Variants in ENPP3 observed in about 807,000 individuals in gnomAD.
ENPP3 encodes ectonucleotide pyrophosphatase/phosphodiesterase 3, also known as ectonucleotide pyrophosphatase/phosphodiesterase family member 3.
Under a neutral mutation model 117.8 loss-of-function variants are expected in ENPP3, and 104 were observed. That is an observed-to-expected ratio of 0.88 (90% CI 0.75 to 1.04). The LOEUF (loss-of-function observed/expected upper bound fraction) is 1.04, where lower values mean the gene tolerates loss of function less well. Ranked by LOEUF, ENPP3 falls within the 50% of genes least tolerant of loss-of-function variation. ENPP3 has a pLI of 0.00. For synonymous variants in ENPP3, 380 were observed against 349.9 expected (o/e 1.09, Z -0.96); for missense variants, 1,026 against 1,051.9 (o/e 0.98, Z 0.34).
intron 22 of ENPP3, 33 bp downstream of exon 22, chr6:131,737,465 T>C (rs1432529058): frequency 9.9e-6 from 12 of 1,216,778 alleles, no homozygotes; most frequent in Non-Finnish European, 1.4e-5. Flanking sequence ...AATTTTAAAA[T>C]AGTTAAGTGA....
At chr6:131,744,803 A>G (rs1780599110) in intron 24 of ENPP3, among the ~76,000 whole-genome samples, 1 of 60,648 alleles carries the variant, frequency 1.6e-5, no homozygotes, top group South Asian at 5.0e-4. Context: ...GGTCATTTAT[A>G]CACACACACA....
chr6:131,701,438 G>A (rs1473718463), intron 15 of ENPP3: 3 of 1,456,994 alleles, frequency 2.1e-6, no homozygotes, highest in African/African-American at 1.4e-5. Context: ...AATGCTCATG[G>A]TTTAGGAGAA....
Position 131,726,218 on chromosome 6 carries a change from T to C in ENPP3, c.1953+18T>C. On this transcript the variant is annotated intron_variant, in intron 20 of 24. Coordinates refer to ENST00000357639, the MANE Select transcript of ENPP3 (RefSeq NM_005021.5). ...CCCAGTTGGTAAGTTCCTGAGTCCA[T>C]TGATCCATGCAGGCAAGAAATATTT... The C allele has an allele frequency of 6.2e-7, 1 of 1,608,390 alleles. No homozygotes were observed. The highest frequency in any genetic ancestry group is 8.5e-7 in the Non-Finnish European group (1 of 1,175,838).
intron 15 of ENPP3, among the ~76,000 whole-genome samples, chr6:131,713,434 T>C (rs1485221221): frequency 1.3e-5 from 2 of 149,076 alleles, no homozygotes; most frequent in African/African-American, 5.0e-5. Context: ...AATTTATTTT[T>C]AATGTAAAGC....
At chr6:131,734,831 G>A (rs112877472) in intron 21 of ENPP3, among the ~76,000 whole-genome samples, 22 of 151,674 alleles carry the variant, frequency 1.5e-4, no homozygotes, top group African/African-American at 5.3e-4. Flanking sequence ...GAACCCGGTA[G>A]GTGGAGGTGC....
Position 131,650,161 on chromosome 6 carries a change from G to T in ENPP3, c.277+12G>T. 1 of 1,613,744 alleles carries T rather than the reference G, an allele frequency of 6.2e-7. No individual in the cohort carries two copies. Among genetic ancestry groups the T allele is most frequent in the South Asian group, 1.1e-5 (1 of 91,036 alleles). On this transcript the variant is annotated intron_variant, in intron 3 of 24. Coordinates refer to ENST00000357639, the MANE Select transcript of ENPP3 (RefSeq NM_005021.5). ...CTGTGTGGAATCAAGTATGAGTTCT[G>T]AGAATAAGTTTATTAGCATGTTGCT... is the stretch of plus-strand genomic sequence containing the variant.
intron 13 of ENPP3, 34 bp downstream of exon 13, chr6:131,685,529 T>C: frequency 6.2e-7 from 1 of 1,602,680 alleles, no homozygotes; most frequent in South Asian, 1.1e-5. Context: ...AAAAAAAGGG[T>C]AAACCTGAAA....
intron 15 of ENPP3, among the ~76,000 whole-genome samples, chr6:131,696,074 A>T (rs3800193): frequency 0.24 from 36,961 of 152,134 alleles, 6,653 homozygotes; most frequent in African/African-American, 0.49. Context: ...TGTACAATTA[A>T]AGCAAATTTC....
intron 13 of ENPP3, 62 bp downstream of exon 13, chr6:131,685,557 A>G: frequency 6.5e-7 from 1 of 1,529,146 alleles, no homozygotes; most frequent in Non-Finnish European, 8.9e-7. Flanking sequence ...ACCATAGTCC[A>G]CTAATTCTGA....
intron 15 of ENPP3, among the ~76,000 whole-genome samples, chr6:131,712,390 T>C (rs1270532361): frequency 6.7e-6 from 1 of 149,006 alleles, no homozygotes; most frequent in Non-Finnish European, 1.5e-5. Context: ...AGCTGTGTTA[T>C]GATAATTATA....
chr6:131,671,784 A>G (rs1778748296), intron 7 of ENPP3, among the ~76,000 whole-genome samples: 1 of 152,222 alleles, frequency 6.6e-6, no homozygotes, highest in Non-Finnish European at 1.5e-5. Context: ...AGATAAAGCA[A>G]TAAAAGCAAG....
In ENPP3 at chr6:131,720,356, T is replaced by C. The variant is rs778828093; in HGVS notation, c.1544T>C (p.Ile515Thr). 2.5e-6 allele frequency: 4 copies of C among 1,589,614 alleles called. No individual in the cohort carries two copies. The highest frequency in any genetic ancestry group is 3.4e-6 in the Non-Finnish European group (4 of 1,163,534). Reference protein sequence around the residue: ...EKTEVEPFENIEVYNLMCDLL... With the variant: ...EKTEVEPFENTEVYNLMCDLL... ...ACTGAAGTTGAACCATTTGAAAATATTGAAGTCTATAACCTAATGTGTGGT... is the reference window on the plus strand; with the variant it reads ...ACTGAAGTTGAACCATTTGAAAATACTGAAGTCTATAACCTAATGTGTGGT... The change falls in exon 17 of 25, where the codon ATT (isoleucine) becomes ACT (threonine). Residue 515 changes from isoleucine (I) to threonine (T), a missense_variant. Transcript: ENST00000357639.
chr6:131,685,775 A>G, intron 13 of ENPP3, 101 bp from the exon 14 acceptor site: 1 of 675,690 alleles, frequency 1.5e-6, no homozygotes, highest in Non-Finnish European at 2.7e-6. Flanking sequence ...GATCACAGTT[A>G]TTAATAAGTG....
At chr6:131,694,447 A>G (rs1779356339) in intron 15 of ENPP3, among the ~76,000 whole-genome samples, 1 of 152,160 alleles carries the variant, frequency 6.6e-6, no homozygotes, top group African/African-American at 2.4e-5. Context: ...TTCCTTATGC[A>G]TAAGTAGATG....
intron 24 of ENPP3, among the ~76,000 whole-genome samples, chr6:131,744,460 A>C (rs1427380018): frequency 1.3e-5 from 2 of 152,198 alleles, no homozygotes; most frequent in Non-Finnish European, 2.9e-5. Flanking sequence ...AAAGATCCCA[A>C]ATCAAATTGA....
At chr6:131,716,386 G>T (rs1020886777) in intron 15 of ENPP3, among the ~76,000 whole-genome samples, 1 of 152,074 alleles carries the variant, frequency 6.6e-6, no homozygotes, top group Non-Finnish European at 1.5e-5. Context: ...TTTTGCTTCT[G>T]AATGAAATTT....
At chr6:131,663,544 A>G (rs1018995039) in intron 6 of ENPP3, among the ~76,000 whole-genome samples, 1 of 150,318 alleles carries the variant, frequency 6.7e-6, no homozygotes, top group Admixed American at 6.6e-5. Flanking sequence ...AAAAAAAAAA[A>G]GTAGCTAAGC....
chr6:131,700,595 C>T, intron 15 of ENPP3: 5 of 1,544,650 alleles, frequency 3.2e-6, no homozygotes, highest in Non-Finnish European at 4.3e-6. Context: ...GATATTTCTT[C>T]TGCTCCTTGG....
At chr6:131,717,080 A>G (rs1490281015) in intron 15 of ENPP3, among the ~76,000 whole-genome samples, 1 of 152,126 alleles carries the variant, frequency 6.6e-6, no homozygotes, top group Non-Finnish European at 1.5e-5. Flanking sequence ...ATCAAACTTA[A>G]TTTCCTTCTG....
Sources: gnomAD v4.1 joint callset for allele counts (sites outside exome capture counted in the v4.1 genomes callset) on GRCh38, gnomAD v4.1.1 for gene constraint, MANE v1.5 for transcripts, NCBI Gene and HGNC (gene_info 2026-07-23, HGNC 2026-07-21) for gene names.